The following SEC24D variants were observed in gnomAD, a reference collection of about 807,000 sequenced individuals.
The protein encoded by SEC24D is SEC24 homolog D, COPII component.
In SEC24D, 69 loss-of-function variants were observed where a neutral mutation model predicts 116.9. That is an observed-to-expected ratio of 0.59 (90% confidence interval 0.49 to 0.72). The LOEUF is 0.72. Ranked by LOEUF, SEC24D falls within the 30% of genes least tolerant of loss-of-function variation. The pLI is 0.00. For missense variants in SEC24D, 1,131 were observed against 1,264.1 expected (o/e 0.89, Z 1.60); for synonymous variants, 405 against 442.8 (o/e 0.91, Z 1.07).
chr4:118,738,368 C>A lies in SEC24D; in HGVS notation c.2389G>T (p.Val797Phe). 4 of 1,609,176 alleles carry A rather than the reference C, an allele frequency of 2.5e-6. No individual in the cohort carries two copies. In the African/African-American group the frequency reaches 4.0e-5, roughly 16 times the overall value. ...NFFAKSAFKA[V>F]LHQPLKVIRE... ...ATGACCTTCAAAGGCTGGTGGAGAA[C>A]TGCTTTAAAAGCTACATCACAAAAC... is the stretch of plus-strand genomic sequence containing the variant. Residue 797 changes from valine (V) to phenylalanine (F), a missense_variant, in exon 19 of 23, where the codon GTT (valine) becomes TTT (phenylalanine). Transcript: ENST00000280551.
At chr4:118,794,783 AATTG>A (rs775922890) in intron 8 of SEC24D, among the ~76,000 whole-genome samples, 1 of 152,184 alleles carries the variant, frequency 6.6e-6, no homozygotes, top group Non-Finnish European at 1.5e-5. Flanking sequence ...TGCATCTCAA[AATTG>A]ATTTTGTATG....
chr4:118,743,538 A>AT lies in SEC24D; in HGVS notation c.1995+449dup, dbSNP rs528480563. Among the ~76,000 whole-genome samples the AT allele has an allele frequency of 2.5e-3, 374 of 152,196 alleles. 1 individual carries two copies. Among genetic ancestry groups the AT allele is most frequent in the Non-Finnish European group, 2.9e-3 (194 of 68,014 alleles). On this transcript the variant is annotated intron_variant, in intron 15 of 22. Coordinates refer to ENST00000280551, the MANE Select transcript of SEC24D (RefSeq NM_014822.4). The stretch of plus-strand genomic sequence containing the variant: ...TCACCTGTAGGTTACTTATTTTTAA[A>AT]TTTTTTGTAGAGACAGGGTCTTGCT...
intron 15 of SEC24D, among the ~76,000 whole-genome samples, chr4:118,742,781 G>A (rs1184153925): frequency 6.6e-6 from 1 of 152,050 alleles, no homozygotes; most frequent in East Asian, 1.9e-4. Flanking sequence ...ACACATTAGA[G>A]GTACACCCCT....
intron 13 of SEC24D, 67 bp from the exon 14 acceptor site, chr4:118,745,127 A>C (rs1407393685): frequency 4.6e-6 from 4 of 864,256 alleles, no homozygotes; most frequent in Non-Finnish European, 7.5e-6. Flanking sequence ...TAAGAGAATC[A>C]GAAAATAAAA....
At chr4:118,763,842 A>T (rs1727508367) in intron 10 of SEC24D, among the ~76,000 whole-genome samples, 1 of 152,182 alleles carries the variant, frequency 6.6e-6, no homozygotes, top group Admixed American at 6.5e-5. Flanking sequence ...GACATATAAG[A>T]AGGTTTAAAT....
chr4:118,732,778 A>G lies in SEC24D; in HGVS notation c.2631T>C (p.Gly877=). The G allele has an allele frequency of 6.2e-7, 1 of 1,614,096 alleles. No homozygotes were observed. The highest frequency in any genetic ancestry group is 8.5e-7 in the Non-Finnish European group (1 of 1,179,970). Residue 877 remains glycine (G), a synonymous_variant, in exon 20 of 23, where the codon GGT becomes GGC. Transcript: ENST00000280551. ...AYQRQLVMTM[G]VADSQLFFYP... is the part of the protein sequence containing the mutation. ...AGAAGAAAAGCTGAGAGTCAGCCAC[A>G]CCCATGGTCATGACCAGCTGTCTCT... is the stretch of plus-strand genomic sequence containing the variant.
At chr4:118,810,110 GT>G (rs1560736915) in intron 6 of SEC24D, among the ~76,000 whole-genome samples, 8 of 148,974 alleles carry the variant, frequency 5.4e-5, no homozygotes, top group East Asian at 2.0e-4. Context: ...GTGTGTGTGT[GT>G]GTGTGTGTGT....
chr4:118,732,128 C>T (rs1376610429), intron 20 of SEC24D, among the ~76,000 whole-genome samples: 3 of 151,878 alleles, frequency 2.0e-5, no homozygotes, highest in African/African-American at 7.3e-5. Context: ...AGAAGTAATA[C>T]GAGCTGACAA....
chr4:118,821,908 A>G (rs771659595), intron 3 of SEC24D, among the ~76,000 whole-genome samples: 5 of 152,214 alleles, frequency 3.3e-5, no homozygotes, highest in South Asian at 4.1e-4. Flanking sequence ...TTTAACCCCA[A>G]TTCTAACCTT....
chr4:118,800,236 T>C (rs1729374424), intron 7 of SEC24D, among the ~76,000 whole-genome samples: 1 of 152,116 alleles, frequency 6.6e-6, no homozygotes, highest in African/African-American at 2.4e-5. Flanking sequence ...TGAAAAAGTA[T>C]GAAATAGTCA....
At chr4:118,801,404 G>C (rs1729439150) in intron 7 of SEC24D, among the ~76,000 whole-genome samples, 1 of 152,088 alleles carries the variant, frequency 6.6e-6, no homozygotes, top group South Asian at 2.1e-4. Flanking sequence ...ATTGCTTTAA[G>C]AGCCCAGGTA....
At chr4:118,819,746 T>C (rs1372309981) in intron 3 of SEC24D, among the ~76,000 whole-genome samples, 1 of 152,158 alleles carries the variant, frequency 6.6e-6, no homozygotes, top group Admixed American at 6.6e-5. Context: ...ATGCTAGTAC[T>C]TTTAAATATA....
intron 8 of SEC24D, among the ~76,000 whole-genome samples, chr4:118,788,239 T>C (rs2069736906): frequency 1.3e-5 from 2 of 152,222 alleles, no homozygotes; most frequent in Admixed American, 1.3e-4. Flanking sequence ...TAATAACATA[T>C]AGGGCTTCAT....
At chr4:118,832,798 G>T (rs775382871) in intron 2 of SEC24D, among the ~76,000 whole-genome samples, 1 of 152,138 alleles carries the variant, frequency 6.6e-6, no homozygotes, top group Non-Finnish European at 1.5e-5. Flanking sequence ...TAAATGCTGA[G>T]GAGAAATGAA....
At position 118,757,802 on chromosome 4, in the gene SEC24D, T is replaced by C. The variant is rs1727177838; in HGVS notation, c.1340A>G (p.Asp447Gly). ...ATTCTTTATGTTACTATATGAAACA[T>C]CAATCATGAAGATAAAGGCTGGTGG... ...PNPPAFIFMI[D>G]VSYSNIKNGL... Residue 447 changes from aspartate (D) to glycine (G), a missense_variant, in exon 11 of 23, where the codon GAT becomes GGT. Physicochemically the swap from Asp to Gly is moderately conservative, Grantham distance 94. Coordinates refer to ENST00000280551, the MANE Select transcript of SEC24D (RefSeq NM_014822.4). 6.2e-7 allele frequency: 1 copy of C among 1,611,958 alleles called. No homozygotes were observed. Among genetic ancestry groups the C allele is most frequent in the South Asian group, 1.1e-5 (1 of 90,866 alleles).
chr4:118,816,778 G>C, intron 4 of SEC24D: 2 of 455,718 alleles, frequency 4.4e-6, no homozygotes, highest in South Asian at 3.1e-5. Flanking sequence ...GTAAATCTCA[G>C]TACTGTGACT....
chr4:118,816,651 T>C (rs1305979033), intron 4 of SEC24D: 1 of 291,058 alleles, frequency 3.4e-6, no homozygotes, highest in Non-Finnish European at 6.8e-6. Flanking sequence ...TAATGATACT[T>C]CAGAAAACTA....
intron 4 of SEC24D, 88 bp from the exon 5 acceptor site, chr4:118,815,814 T>C (rs1730123078): frequency 1.4e-6 from 2 of 1,434,912 alleles, no homozygotes; most frequent in South Asian, 2.6e-5. Flanking sequence ...ATGTTTGTTT[T>C]CCTGACATAA....
intron 13 of SEC24D, among the ~76,000 whole-genome samples, chr4:118,747,268 T>G (rs1283156535): frequency 6.6e-6 from 1 of 150,802 alleles, no homozygotes; most frequent in East Asian, 1.9e-4. Context: ...TGTAGCTTTT[T>G]TTTTTTTTTT....
Sources: allele counts gnomAD v4.1 joint callset (sites outside exome capture counted in the v4.1 genomes callset), GRCh38; gene constraint gnomAD v4.1.1; transcripts MANE v1.5; gene names NCBI Gene and HGNC (gene_info 2026-07-23, HGNC 2026-07-21).